Variants in UNC13B observed in about 807,000 individuals in gnomAD.
UNC13B encodes the protein protein unc-13 homolog B.
UNC13B carries 144 observed loss-of-function variants against 211.0 expected under a neutral mutation model. That is an observed-to-expected ratio of 0.68 (90% CI 0.60 to 0.78). The LOEUF (loss-of-function observed/expected upper bound fraction) is 0.78. Among genes scored for constraint, UNC13B ranks in the 30% least tolerant of loss-of-function variants. The pLI is 0.00. For missense variants in UNC13B, 1,777 were observed against 2,002.0 expected, an observed-to-expected ratio of 0.89 and a Z score of 2.14; for synonymous variants, 709 against 725.8, an observed-to-expected ratio of 0.98 and a Z score of 0.37.
chr9:35,390,766 C>T (rs563459925), intron 26 of UNC13B, 52 bp downstream of exon 26: 16 of 1,520,034 alleles, frequency 1.1e-5, no homozygotes, highest in East Asian at 9.1e-5. Flanking sequence ...CCAAGCTCCT[C>T]GTTCACTGTC....
intron 7 of UNC13B, among the ~76,000 whole-genome samples, chr9:35,267,209 G>C (rs1447290306): frequency 6.6e-6 from 1 of 152,202 alleles, no homozygotes; most frequent in African/African-American, 2.4e-5. Context: ...ATCACAAAGA[G>C]ATTCCTATGC....
chr9:35,249,421 T>A (rs570849855), intron 6 of UNC13B, among the ~76,000 whole-genome samples: 1 of 152,310 alleles, frequency 6.6e-6, no homozygotes, highest in East Asian at 1.9e-4. Flanking sequence ...GTTAGTTTGC[T>A]CGTTAGTTGA....
intron 1 of UNC13B, among the ~76,000 whole-genome samples, chr9:35,183,972 G>T (rs530708758): frequency 2.7e-5 from 4 of 149,234 alleles, no homozygotes; most frequent in African/African-American, 9.9e-5. Flanking sequence ...GGGCGGCGGG[G>T]CAGAGGCGCT....
intron 7 of UNC13B, among the ~76,000 whole-genome samples, chr9:35,288,348 T>A (rs1406178540): frequency 6.6e-6 from 1 of 152,216 alleles, no homozygotes; most frequent in Non-Finnish European, 1.5e-5. Context: ...ATTACTTGAT[T>A]TCTAAACATT....
chr9:35,386,256 A>G lies in UNC13B; in HGVS notation c.11057A>G (p.Asn3686Ser). The G allele has an allele frequency of 6.2e-7, 1 of 1,614,178 alleles. No homozygotes were observed. Among genetic ancestry groups the G allele is most frequent in the Non-Finnish European group, 8.5e-7 (1 of 1,180,032 alleles). The change falls in exon 24 of 40, where the codon AAC (asparagine) becomes AGC (serine). Residue 3686 changes from asparagine to serine, a missense_variant. Physicochemically the swap from Asn to Ser is conservative, Grantham distance 46. Transcript: ENST00000635942. ...AACTCCACATATGAATATATCTTCA[A>G]CAACTGCCACGACTTATACAGCCGC... is the stretch of plus-strand genomic sequence containing the variant. The part of the protein sequence containing the change: ...CLNSTYEYIF[N>S]NCHDLYSRQY...
chr9:35,287,079 A>G (rs1828838420), intron 7 of UNC13B, among the ~76,000 whole-genome samples: 2 of 151,768 alleles, frequency 1.3e-5, no homozygotes, highest in Admixed American at 6.6e-5. Flanking sequence ...GTTATAAGTT[A>G]TCATAAATTA....
chr9:35,308,955 T>G (rs1194201468), intron 9 of UNC13B, among the ~76,000 whole-genome samples: 2 of 152,228 alleles, frequency 1.3e-5, no homozygotes, highest in Non-Finnish European at 2.9e-5. Context: ...TCCCATATCC[T>G]ATTCCATACA....
intron 11 of UNC13B, chr9:35,351,517 G>A (rs1832718644): frequency 4.9e-6 from 6 of 1,232,330 alleles, no homozygotes; most frequent in Non-Finnish European, 6.1e-6. Context: ...CTCAAACCCT[G>A]AGGGAGAAAA....
At chr9:35,256,738 A>G (rs1826902167) in intron 6 of UNC13B, among the ~76,000 whole-genome samples, 1 of 152,244 alleles carries the variant, frequency 6.6e-6, no homozygotes, top group African/African-American at 2.4e-5. Context: ...ATATACATAC[A>G]TATTCACATA....
At chr9:35,380,056 A>G (rs1294100058) in intron 17 of UNC13B, among the ~76,000 whole-genome samples, 1 of 152,188 alleles carries the variant, frequency 6.6e-6, no homozygotes, top group Admixed American at 6.5e-5. Context: ...TGGGCCTACC[A>G]TGAACATGTC....
At chr9:35,327,799 G>A (rs993642392) in intron 11 of UNC13B, among the ~76,000 whole-genome samples, 1 of 152,176 alleles carries the variant, frequency 6.6e-6, no homozygotes, top group Admixed American at 6.5e-5. Context: ...AGCCATGAAA[G>A]CATGTTCTGG....
intron 11 of UNC13B, chr9:35,351,622 G>A: frequency 2.4e-6 from 3 of 1,232,254 alleles, no homozygotes; most frequent in Non-Finnish European, 3.0e-6. Flanking sequence ...CAGAGACCAT[G>A]TGTGGCACCA....
intron 9 of UNC13B, among the ~76,000 whole-genome samples, chr9:35,308,970 T>C (rs1387162831): frequency 6.6e-6 from 1 of 152,188 alleles, no homozygotes; most frequent in African/African-American, 2.4e-5. Context: ...CATACAGATT[T>C]GCATAGTTTC....
chr9:35,329,748 C>G (rs900276120), intron 11 of UNC13B, among the ~76,000 whole-genome samples: 3 of 152,192 alleles, frequency 2.0e-5, no homozygotes, highest in African/African-American at 7.2e-5. Flanking sequence ...CTTGGCCTCC[C>G]AAAGTGCTGG....
At chr9:35,386,422 G>T in intron 24 of UNC13B, 129 bp downstream of exon 24, 2 of 1,301,412 alleles carry the variant, frequency 1.5e-6, no homozygotes, top group South Asian at 2.9e-5. Context: ...GTGAGTTGTG[G>T]AGTATGAACC....
At chr9:35,363,594 C>A (rs966882292) in intron 11 of UNC13B, among the ~76,000 whole-genome samples, 2 of 152,102 alleles carry the variant, frequency 1.3e-5, no homozygotes, top group Admixed American at 1.3e-4. Flanking sequence ...CTTGAATTCT[C>A]CCCTCTACTT....
At chr9:35,198,517 G>A (rs1227079196) in intron 1 of UNC13B, among the ~76,000 whole-genome samples, 4 of 152,080 alleles carry the variant, frequency 2.6e-5, no homozygotes, top group African/African-American at 7.2e-5. Context: ...ATAGCAGTAC[G>A]AGAACAGACT....
chr9:35,203,601 A>G (rs1428654583), intron 1 of UNC13B, among the ~76,000 whole-genome samples: 3 of 152,028 alleles, frequency 2.0e-5, no homozygotes, highest in African/African-American at 4.8e-5. Context: ...TTTTTCCTTC[A>G]TTTCAACAGG....
At chr9:35,314,578 C>T (rs974487162) in intron 11 of UNC13B, among the ~76,000 whole-genome samples, 7 of 152,002 alleles carry the variant, frequency 4.6e-5, no homozygotes, top group Non-Finnish European at 7.4e-5. Context: ...AGGAGGTACC[C>T]GTGCAGTTTT....
Sources: allele counts gnomAD v4.1 joint callset (sites outside exome capture counted in the v4.1 genomes callset), GRCh38; gene constraint gnomAD v4.1.1; transcripts MANE v1.5; gene names NCBI Gene and HGNC (gene_info 2026-07-23, HGNC 2026-07-21).